EVC2: variants seen among roughly 807,000 people sequenced by gnomAD.
EVC2 encodes EvC ciliary complex subunit 2, also known as limbin.
EVC2 carries 148 observed loss-of-function variants against 149.3 expected under a neutral mutation model. The ratio of observed to expected loss-of-function variants is 0.99; its 90% CI spans 0.87 to 1.14. The LOEUF is 1.14. Among genes scored for constraint, EVC2 ranks in the 50% most tolerant of loss-of-function variants. The probability of loss-of-function intolerance (pLI) is 0.00; values close to 1 mark genes in which losing one functional copy is unlikely to be tolerated. For synonymous variants in EVC2, 776 were observed against 649.9 expected, an observed-to-expected ratio of 1.19 and a Z score of -2.95; for missense variants, 1,854 against 1,627.3, an observed-to-expected ratio of 1.14 and a Z score of -2.40.
At chr4:5,563,145 T>C in intron 21 of EVC2, 30 bp from the exon 22 acceptor site, 2 of 1,604,972 alleles carry the variant, frequency 1.2e-6, no homozygotes, top group Non-Finnish European at 1.7e-6. Flanking sequence ...TCAAATTCAA[T>C]ATTTTTGGCA....
chr4:5,553,633 AATTAG>A (rs1317676663), intron 21 of EVC2, among the ~76,000 whole-genome samples: 2 of 152,296 alleles, frequency 1.3e-5, no homozygotes, highest in African/African-American at 4.8e-5. Flanking sequence ...ATTTTTCAAA[AATTAG>A]ATTATAGTTA....
Position 5,697,897 on chromosome 4 carries a change from C to G in EVC2, c.229-250G>C, listed in dbSNP as rs12503011. Among the ~76,000 whole-genome samples, 21,674 of 151,880 alleles carry G rather than the reference C, an allele frequency of 0.14. 1,727 individuals carry two copies. The highest frequency in any genetic ancestry group is 0.2 in the South Asian group (945 of 4,790). On this transcript the variant is annotated intron_variant, in intron 1 of 21. Transcript: ENST00000344408. ...AGTAGCTGGGACTACAGGCGCCCAC[C>G]ACCACGCCCAGCTAATTTTTTTGTT...
At chr4:5,575,207 G>C (rs138272605) in intron 18 of EVC2, among the ~76,000 whole-genome samples, 1 of 152,170 alleles carries the variant, frequency 6.6e-6, no homozygotes, top group Non-Finnish European at 1.5e-5. Flanking sequence ...ACGCCCACAC[G>C]AGGGGGTCTG....
At chr4:5,544,652 G>A (rs941895656) in intron 21 of EVC2, among the ~76,000 whole-genome samples, 21 of 152,150 alleles carry the variant, frequency 1.4e-4, no homozygotes, top group Admixed American at 3.9e-4. Flanking sequence ...AGAGTTCTCC[G>A]CATATCACAC....
intron 17 of EVC2, among the ~76,000 whole-genome samples, chr4:5,581,186 T>A (rs963036910): frequency 1.3e-5 from 2 of 152,214 alleles, no homozygotes; most frequent in Non-Finnish European, 2.9e-5. Context: ...GAGAACAGAC[T>A]AATACAGAAA....
At chr4:5,594,445 T>C (rs1713178477) in intron 16 of EVC2, among the ~76,000 whole-genome samples, 1 of 152,198 alleles carries the variant, frequency 6.6e-6, no homozygotes, top group African/African-American at 2.4e-5. Context: ...CCACCGCTGC[T>C]GGTACCCAGG....
intron 13 of EVC2, 82 bp from the exon 14 acceptor site, chr4:5,623,073 G>C: frequency 7.7e-7 from 1 of 1,294,626 alleles, no homozygotes; most frequent in Non-Finnish European, 1.1e-6. Context: ...GTTGCAGGAA[G>C]CACAGAATGT....
At chr4:5,538,125 AT>A (rs768766220), downstream of EVC2, among the ~76,000 whole-genome samples, 3 of 151,870 alleles carry the variant, frequency 2.0e-5, no homozygotes, top group Non-Finnish European at 4.4e-5. Flanking sequence ...GAGGACGCAG[AT>A]TATCAATATC....
rs1722942659 is a variant in EVC2 at position 5,576,463 on chromosome 4, G to A, written c.3058-9C>T. ...TCCAACTCCTGGAGCTCCTACACAA[G>A]GAAGGGGCAGAGGGTAAGCACCACT... On this transcript the variant is annotated splice_polypyrimidine_tract_variant and intron_variant, in intron 17 of 21. Coordinates refer to ENST00000344408, the MANE Select transcript of EVC2 (RefSeq NM_147127.5). The surrounding 1 kb of genome is among the most constrained non-coding windows in gnomAD (Gnocchi z 4.5). 6 of 1,578,812 alleles carry A rather than the reference G, an allele frequency of 3.8e-6. No homozygotes were observed. In the South Asian group the frequency reaches 6.8e-5, roughly 18 times the overall value.
chr4:5,677,980 G>T lies in EVC2; in HGVS notation c.870+3280C>A, dbSNP rs1364417652. On this transcript the variant is annotated intron_variant, in intron 7 of 21. Coordinates refer to ENST00000344408, the MANE Select transcript of EVC2 (RefSeq NM_147127.5). The surrounding 1 kb of genome is among the most constrained non-coding windows in gnomAD (Gnocchi z 4.3). ...TCCAGTGCCTGACAGCAGGGCTCTG[G>T]AGCCAAACTGCTTGGGTTCAAATCC... is the stretch of plus-strand genomic sequence containing the variant. Among the ~76,000 whole-genome samples, 1 of 152,196 alleles carries T rather than the reference G, an allele frequency of 6.6e-6. No homozygotes were observed. Among genetic ancestry groups the T allele is most frequent in the Non-Finnish European group, 1.5e-5 (1 of 68,040 alleles).
At chr4:5,575,793 GT>G (rs1421432388) in intron 18 of EVC2, among the ~76,000 whole-genome samples, 1 of 152,186 alleles carries the variant, frequency 6.6e-6, no homozygotes, top group Admixed American at 6.5e-5. Context: ...GGGTCTGTCT[GT>G]TTTATAATTT....
intron 9 of EVC2, among the ~76,000 whole-genome samples, chr4:5,645,101 T>C (rs1717612610): frequency 6.6e-6 from 1 of 152,164 alleles, no homozygotes; most frequent in Non-Finnish European, 1.5e-5. Flanking sequence ...GATTCCCCCA[T>C]AATGGTACTA....
At chr4:5,579,804 G>A (rs1232327096) in intron 17 of EVC2, among the ~76,000 whole-genome samples, 2 of 152,186 alleles carry the variant, frequency 1.3e-5, no homozygotes, top group African/African-American at 4.8e-5. Flanking sequence ...TCACACCACT[G>A]CACACCAGCC....
chr4:5,535,640 A>AGAGAGAGACAG, the EVC2 span, among the ~76,000 whole-genome samples: 1 of 152,022 alleles, frequency 6.6e-6, no homozygotes, highest in African/African-American at 2.4e-5. This position sits in a 1 kb window ranked among gnomAD's most constrained non-coding sequence, Gnocchi z 4.7. Flanking sequence ...AGAGAAAGAG[A>AGAGAGAGACAG]TAATCTCCTG....
At chr4:5,574,797 A>T in intron 18 of EVC2, 25 bp from the exon 19 acceptor site, 1 of 1,609,876 alleles carries the variant, frequency 6.2e-7, no homozygotes, top group African/African-American at 1.3e-5. Context: ...AAATATACGT[A>T]AGTTCAGTTT....
At chr4:5,535,601 AAGAGAGAGAG>A in the EVC2 span, among the ~76,000 whole-genome samples, 310 of 118,260 alleles carry the variant, frequency 2.6e-3, 1 homozygote, top group African/African-American at 9.8e-3. The surrounding 1 kb of genome is among the most constrained non-coding windows in gnomAD (Gnocchi z 4.7). Flanking sequence ...CATGCTTAGA[AAGAGAGAGAG>A]AGAGAGAGAG....
chr4:5,582,378 T>G (rs113998645), intron 17 of EVC2, among the ~76,000 whole-genome samples: 1,943 of 152,346 alleles, frequency 0.013, 36 homozygotes, highest in African/African-American at 0.044. Context: ...CAAAGGAGAT[T>G]GTTTTGGAGC....
chr4:5,532,480 C>T, the EVC2 span, among the ~76,000 whole-genome samples: 1 of 152,210 alleles, frequency 6.6e-6, no homozygotes, highest in Non-Finnish European at 1.5e-5. Context: ...CAGTATCACA[C>T]AGATACAACA....
intron 5 of EVC2, among the ~76,000 whole-genome samples, chr4:5,687,693 C>T (rs753111862): frequency 1.3e-5 from 2 of 152,062 alleles, no homozygotes; most frequent in Non-Finnish European, 2.9e-5. Flanking sequence ...TCCTGACCCA[C>T]ACAAGAGCAA....
Sources: gnomAD v4.1 joint callset for allele counts (sites outside exome capture counted in the v4.1 genomes callset) on GRCh38, gnomAD v4.1.1 for gene constraint, Gnocchi (gnomAD v3.1) non-coding constraint, MANE v1.5 for transcripts, NCBI Gene and HGNC (gene_info 2026-07-23, HGNC 2026-07-21) for gene names.